The following IGSF10 variants were observed in gnomAD, a reference collection of about 807,000 sequenced individuals.
The protein encoded by IGSF10 is immunoglobulin superfamily member 10, also known as calvaria mechanical force protein 608.
Under a neutral mutation model 128.2 loss-of-function variants are expected in IGSF10, and 126 were observed. That is an observed-to-expected ratio of 0.98 (90% CI 0.85 to 1.14). The LOEUF is 1.14. Among genes scored for constraint, IGSF10 ranks in the 50% most tolerant of loss-of-function variants. The pLI is 0.00. For missense variants in IGSF10, 3,295 were observed against 3,149.8 expected (o/e 1.05, Z -1.10); for synonymous variants, 1,185 against 1,146.2 (o/e 1.03, Z -0.68).
the IGSF10 span, among the ~76,000 whole-genome samples, chr3:151,491,868 G>A: frequency 6.6e-6 from 1 of 152,030 alleles, no homozygotes; most frequent in East Asian, 1.9e-4. Context: ...CAATATTTCT[G>A]ATAAAAATTG....
Position 151,445,275 on chromosome 3 carries a change from G to A in IGSF10, c.4706C>T (p.Pro1569Leu). The A allele has an allele frequency of 6.2e-7, 1 of 1,614,208 alleles. No individual in the cohort carries two copies. The highest frequency in any genetic ancestry group is 8.5e-7 in the Non-Finnish European group (1 of 1,180,040). ...GTGCCAAAATTGGTTTTCTGCCCAG[G>A]GAGATGGAGTTAATTTAGAATTCTG... ...KSQNSKLTPS[P>L]WAENQFWHKP... Residue 1569 changes from proline (P) to leucine (L), a missense_variant, in exon 6 of 8, where the codon CCC becomes CTC. Physicochemically the swap from Pro to Leu is moderately conservative, Grantham distance 98. Transcript: ENST00000282466.
Position 151,436,438 on chromosome 3 carries a change from T to G in IGSF10, c.*251A>C, listed in dbSNP as rs1720223337. On this transcript the variant is annotated 3_prime_UTR_variant, in exon 8 of 8. Coordinates refer to ENST00000282466, the MANE Select transcript of IGSF10 (RefSeq NM_178822.5). ...GTTATTTTATAGTGAACCGTTTCAA[T>G]GTTTGTTTATTGTTATTTGTTGGCA... 3 of 353,160 alleles carry G rather than the reference T, an allele frequency of 8.5e-6. No individual in the cohort carries two copies. Among genetic ancestry groups the G allele is most frequent in the Middle Eastern group, 8.7e-4 (1 of 1,146 alleles). The allele number at this position is 353,160 out of a possible 1,614,324, so 21.9% of individuals were successfully genotyped here.
At chr3:151,515,932 T>A in the IGSF10 span, among the ~76,000 whole-genome samples, 6 of 152,110 alleles carry the variant, frequency 3.9e-5, no homozygotes, top group Non-Finnish European at 5.9e-5. Flanking sequence ...TTCATGGTTA[T>A]ATAAAAGCTT....
chr3:151,574,290 T>G, the IGSF10 span, among the ~76,000 whole-genome samples: 4 of 152,238 alleles, frequency 2.6e-5, no homozygotes, highest in Non-Finnish European at 5.9e-5. Context: ...GAAGTTCTCC[T>G]GGATAACATC....
At position 151,445,504 on chromosome 3, in the gene IGSF10, G is replaced by A; in HGVS notation, c.4477C>T (p.Pro1493Ser). 6.2e-7 allele frequency: 1 copy of A among 1,614,194 alleles called. No individual in the cohort carries two copies. Among genetic ancestry groups the A allele is most frequent in the Non-Finnish European group, 8.5e-7 (1 of 1,180,030 alleles). The change falls in exon 6 of 8, where the codon CCC becomes TCC. Residue 1493 changes from proline to serine, a missense_variant. Pro to Ser is a moderately conservative substitution (Grantham distance 74). Transcript: ENST00000282466. ...GTATTTGTCATAAGCCCGGAAATGG[G>A]AGTCGCCACGTTGTCAGTAACTGCT... ...QRAVTDNVAT[P>S]ISGLMTNTVV... is the part of the protein sequence containing the mutation.
intron 5 of IGSF10, among the ~76,000 whole-genome samples, chr3:151,450,573 G>A (rs1000098579): frequency 6.6e-6 from 1 of 152,074 alleles, no homozygotes; most frequent in African/African-American, 2.4e-5. Context: ...GAGGTGGCTG[G>A]CAAGTTGGGA....
the IGSF10 span, among the ~76,000 whole-genome samples, chr3:151,494,211 T>G: frequency 2.6e-5 from 4 of 152,066 alleles, no homozygotes; most frequent in African/African-American, 9.7e-5. Context: ...AGTATTCTAT[T>G]GATTAACATA....
chr3:151,595,962 T>C, the IGSF10 span, among the ~76,000 whole-genome samples: 9 of 152,174 alleles, frequency 5.9e-5, no homozygotes, highest in African/African-American at 2.2e-4. Flanking sequence ...TAGGTGCTCT[T>C]ACCACACACA....
chr3:151,600,778 T>C, the IGSF10 span, among the ~76,000 whole-genome samples: 2 of 152,184 alleles, frequency 1.3e-5, no homozygotes, highest in Non-Finnish European at 2.9e-5. Flanking sequence ...TAGTCAACTT[T>C]CAAATCTTTG....
rs760865741 is a variant in IGSF10 at position 151,437,577 on chromosome 3, TAACTG to T, written c.6979_6983del (p.Gln2327ArgfsTer12). On this transcript the variant is annotated frameshift_variant, in exon 8 of 8. Transcript: ENST00000282466. LOFTEE classifies it low-confidence loss of function (END_TRUNC). ...GTCTTCTCAGCATTTCCAGTACTTC[TAACTG>T]TACTACCAACACGCTCTCTCCACCT... 7 of 1,614,094 alleles carry T rather than the reference TAACTG, an allele frequency of 4.3e-6. No homozygotes were observed. The highest frequency in any genetic ancestry group is 1.1e-5 in the South Asian group (1 of 91,096).
At chr3:151,605,810 A>G in the IGSF10 span, among the ~76,000 whole-genome samples, 1 of 152,210 alleles carries the variant, frequency 6.6e-6, no homozygotes, top group Admixed American at 6.5e-5. Context: ...ATTCCAAGTC[A>G]AAGCAGTGGC....
the IGSF10 span, among the ~76,000 whole-genome samples, chr3:151,540,017 G>A: frequency 3.9e-5 from 6 of 152,216 alleles, no homozygotes; most frequent in Non-Finnish European, 7.4e-5. Context: ...TTAGCTGGGC[G>A]TCAGTGGTGT....
the IGSF10 span, among the ~76,000 whole-genome samples, chr3:151,510,503 A>G: frequency 6.6e-6 from 1 of 152,156 alleles, no homozygotes; most frequent in East Asian, 1.9e-4. Flanking sequence ...ATAAAACCAC[A>G]AAGACGGGGA....
chr3:151,433,437 T>G (rs546319927), downstream of IGSF10: 2 of 152,792 alleles, frequency 1.3e-5, no homozygotes, highest in South Asian at 4.1e-4. Flanking sequence ...TGCTTCGTAC[T>G]TAAACTTCTT....
At chr3:151,507,795 G>C in the IGSF10 span, among the ~76,000 whole-genome samples, 1 of 152,060 alleles carries the variant, frequency 6.6e-6, no homozygotes, top group African/African-American at 2.4e-5. Context: ...GATGAGATTT[G>C]GGTGAGAACA....
rs576133337 is a variant in IGSF10, at chr3:151,436,960, G to A, written c.7601C>T (p.Pro2534Leu). 1 of 1,614,206 alleles carries A rather than the reference G, an allele frequency of 6.2e-7. No homozygotes were observed. The highest frequency in any genetic ancestry group is 1.1e-5 in the South Asian group (1 of 91,070). Residue 2534 changes from proline to leucine, a missense_variant, in exon 8 of 8, where the codon CCA (proline) becomes CTA (leucine). By Grantham distance (98) the Pro-to-Leu change is moderately conservative (BLOSUM62 -3). Coordinates refer to ENST00000282466, the MANE Select transcript of IGSF10 (RefSeq NM_178822.5). ...VAYPPRITNR[P>L]PRSIVTRTGA... ...TGTCCTGGTGACAATACTCCTGGGT[G>A]GACGATTTGTAATTCGGGGAGGGTA...
chr3:151,503,307 A>C, the IGSF10 span, among the ~76,000 whole-genome samples: 1 of 152,056 alleles, frequency 6.6e-6, no homozygotes, highest in African/African-American at 2.4e-5. Context: ...GCAGATTCAC[A>C]AGGTCTTCAG....
the IGSF10 span, among the ~76,000 whole-genome samples, chr3:151,532,551 G>C: frequency 5.3e-5 from 8 of 151,888 alleles, no homozygotes; most frequent in African/African-American, 1.7e-4. Context: ...ATAATCCATC[G>C]CATAAGCAGA....
chr3:151,474,477 T>C, the IGSF10 span, among the ~76,000 whole-genome samples: 1 of 152,200 alleles, frequency 6.6e-6, no homozygotes, highest in Non-Finnish European at 1.5e-5. Flanking sequence ...GTTATTATGA[T>C]TTGTATTACA....
Sources: gnomAD v4.1 joint callset for allele counts (sites outside exome capture counted in the v4.1 genomes callset) on GRCh38, gnomAD v4.1.1 for gene constraint, MANE v1.5 for transcripts, NCBI Gene and HGNC (gene_info 2026-07-23, HGNC 2026-07-21) for gene names.